Variants in SPIRE1 observed in about 807,000 individuals in gnomAD.
SPIRE1 encodes spire type actin nucleation factor 1.
In SPIRE1, 40 loss-of-function variants were observed where a neutral mutation model predicts 94.1. The ratio of observed to expected loss-of-function variants is 0.43; its 90% CI spans 0.33 to 0.55. The LOEUF (loss-of-function observed/expected upper bound fraction) is 0.55, where lower values mean the gene tolerates loss of function less well. SPIRE1 is among the 20% of genes least tolerant of loss of function. The pLI is 0.06. For missense variants in SPIRE1, 838 were observed against 975.2 expected, an observed-to-expected ratio of 0.86 and a Z score of 1.87; for synonymous variants, 376 against 371.7, an observed-to-expected ratio of 1.01 and a Z score of -0.13.
chr18:12,463,951 T>C (rs893563013), intron 11 of SPIRE1, among the ~76,000 whole-genome samples: 1 of 152,182 alleles, frequency 6.6e-6, no homozygotes, highest in Non-Finnish European at 1.5e-5. Context: ...TAAGACTGTT[T>C]AAAAGGAGAC....
At chr18:12,658,591 G>T (rs959891447), upstream of SPIRE1, 25 of 470,854 alleles carry the variant, frequency 5.3e-5, no homozygotes, top group African/African-American at 4.6e-4. Context: ...ATCGCCGAAG[G>T]TCTGGTTGAA....
rs778669585 is a variant in SPIRE1 at position 12,588,620 on chromosome 18, A to C, written c.373-41716T>G. On this transcript the variant is annotated intron_variant, in intron 2 of 16. Coordinates refer to ENST00000409402, the MANE Select transcript of SPIRE1 (RefSeq NM_001128626.2). The stretch of plus-strand genomic sequence containing the variant: ...TGTCTCACTTTAAAAAAAAAAAAAA[A>C]AAAAACCTCCGTGGACTTGCTCCAG... Among the ~76,000 whole-genome samples, 430 of 151,732 alleles carry C rather than the reference A, an allele frequency of 2.8e-3. 1 individual carries two copies. The highest frequency in any genetic ancestry group is 3.9e-3 in the Non-Finnish European group (267 of 67,878).
At chr18:12,501,961 C>T (rs2033680568) in intron 6 of SPIRE1, among the ~76,000 whole-genome samples, 1 of 152,154 alleles carries the variant, frequency 6.6e-6, no homozygotes, top group African/African-American at 2.4e-5. Flanking sequence ...GACCCTGTGT[C>T]AATCAATCAA....
At chr18:12,612,821 G>A (rs2037180452) in intron 2 of SPIRE1, among the ~76,000 whole-genome samples, 1 of 152,148 alleles carries the variant, frequency 6.6e-6, no homozygotes, top group Non-Finnish European at 1.5e-5. Flanking sequence ...TGTCTGAAAT[G>A]CTCTTCCCCC....
chr18:12,550,112 TGGA>T (rs1207762211), intron 2 of SPIRE1, among the ~76,000 whole-genome samples: 1 of 152,190 alleles, frequency 6.6e-6, no homozygotes, highest in Non-Finnish European at 1.5e-5. Flanking sequence ...CCTTTCACAG[TGGA>T]GGAGTAGGTC....
intron 8 of SPIRE1, among the ~76,000 whole-genome samples, chr18:12,487,397 T>A (rs556542508): frequency 2.2e-5 from 3 of 134,402 alleles, no homozygotes; most frequent in Non-Finnish European, 3.3e-5. Flanking sequence ...TCATTTATTT[T>A]CTTTCTTTTT....
intron 9 of SPIRE1, among the ~76,000 whole-genome samples, chr18:12,484,619 T>G (rs2143799523): frequency 6.6e-6 from 1 of 152,368 alleles, no homozygotes; most frequent in East Asian, 1.9e-4. Flanking sequence ...TTTGTTATCT[T>G]AAGAGGCATT....
At chr18:12,553,559 T>A (rs2144335170) in intron 2 of SPIRE1, among the ~76,000 whole-genome samples, 1 of 152,042 alleles carries the variant, frequency 6.6e-6, no homozygotes, top group Middle Eastern at 3.4e-3. Context: ...TCAACCACAG[T>A]AGAACAGAAT....
Position 12,448,651 on chromosome 18 carries a change from A to T in SPIRE1, c.*987T>A, listed in dbSNP as rs2031064065. The T allele has an allele frequency of 6.6e-6, 1 of 152,222 alleles. No individual in the cohort carries two copies. 9.4% of individuals were successfully genotyped at this position (152,222 alleles called of 1,614,324 possible). A position where few individuals can be genotyped will look rare whatever the true frequency, so the allele number is the denominator to read the frequency against. On this transcript the variant is annotated 3_prime_UTR_variant, in exon 17 of 17. Coordinates refer to ENST00000409402, the MANE Select transcript of SPIRE1 (RefSeq NM_001128626.2). This position sits in a 1 kb window ranked among gnomAD's most constrained non-coding sequence, Gnocchi z 4.4. ...TCTTTTAAAATTCATTTATAAAAAT[A>T]AATTTTAGTTTGAGACCCTAGGTAC...
intron 4 of SPIRE1, chr18:12,516,314 G>A (rs2034194375): frequency 6.6e-6 from 1 of 152,226 alleles, no homozygotes; most frequent in South Asian, 2.1e-4. Flanking sequence ...CCTGGCCACT[G>A]TGACTGGTTA....
chr18:12,563,773 A>G lies in SPIRE1; in HGVS notation c.373-16869T>C, dbSNP rs1406988497. Among the ~76,000 whole-genome samples, 4 of 152,182 alleles carry G rather than the reference A, an allele frequency of 2.6e-5. 1 individual carries two copies. The highest frequency in any genetic ancestry group is 6.5e-5 in the Admixed American group (1 of 15,268). ...ACAAGATACCGAAAAAGAAAAATTA[A>G]AGGAATATAAAATTATTTAAAAACT... On this transcript the variant is annotated intron_variant, in intron 2 of 16. Transcript: ENST00000409402.
intron 2 of SPIRE1, among the ~76,000 whole-genome samples, chr18:12,580,946 G>GA (rs148184579): frequency 0.02 from 3,075 of 152,118 alleles, 116 homozygotes; most frequent in African/African-American, 0.07. Context: ...TTTTCTGAGG[G>GA]AAAAAAACTT....
chr18:12,587,685 T>G (rs2036424835), intron 2 of SPIRE1, among the ~76,000 whole-genome samples: 2 of 152,104 alleles, frequency 1.3e-5, no homozygotes, highest in African/African-American at 4.8e-5. Flanking sequence ...GAACTACTGG[T>G]CTAACAACTA....
In SPIRE1 at chr18:12,541,158, C is replaced by G. The variant is rs1182617349; in HGVS notation, c.603+5516G>C. Among the ~76,000 whole-genome samples the G allele has an allele frequency of 3.3e-5, 5 of 152,172 alleles. No individual in the cohort carries two copies. The South Asian group carries it at 1.0e-3, about 32-fold the overall frequency. ...CAAGTATATGTGGAAATAATAAAAT[C>G]TTTTTGTTATTCATATCTGGCTTAA... is the stretch of plus-strand genomic sequence containing the variant. On this transcript the variant is annotated intron_variant, in intron 3 of 16. Coordinates refer to ENST00000409402, the MANE Select transcript of SPIRE1 (RefSeq NM_001128626.2).
At chr18:12,637,114 C>T (rs2037951331) in intron 1 of SPIRE1, among the ~76,000 whole-genome samples, 1 of 152,172 alleles carries the variant, frequency 6.6e-6, no homozygotes, top group African/African-American at 2.4e-5. Flanking sequence ...AATCCCAGCA[C>T]TTTGGGAGAC....
chr18:12,610,897 C>G (rs534661844), intron 2 of SPIRE1, among the ~76,000 whole-genome samples: 1 of 152,118 alleles, frequency 6.6e-6, no homozygotes, highest in Non-Finnish European at 1.5e-5. Context: ...CTCAGCACCT[C>G]GTAGCATCTT....
chr18:12,548,680 C>T (rs1364270123), intron 2 of SPIRE1, among the ~76,000 whole-genome samples: 1 of 150,932 alleles, frequency 6.6e-6, no homozygotes, highest in East Asian at 2.0e-4. Context: ...GGTACAATTA[C>T]GGCTCACTGC....
At chr18:12,508,289 T>C (rs757057161) in intron 5 of SPIRE1, among the ~76,000 whole-genome samples, 76 of 152,310 alleles carry the variant, frequency 5.0e-4, no homozygotes, top group African/African-American at 1.7e-3. Context: ...TAACGATTCA[T>C]AATTTTAAAA....
At chr18:12,575,840 C>T (rs924182646) in intron 2 of SPIRE1, among the ~76,000 whole-genome samples, 3 of 152,220 alleles carry the variant, frequency 2.0e-5, no homozygotes, top group African/African-American at 7.2e-5. Context: ...TCTTTCCAAA[C>T]TGATTTAAAG....
Sources: allele counts gnomAD v4.1 joint callset (sites outside exome capture counted in the v4.1 genomes callset), GRCh38; gene constraint gnomAD v4.1.1; non-coding constraint Gnocchi (gnomAD v3.1); transcripts MANE v1.5; gene names NCBI Gene and HGNC (gene_info 2026-07-23, HGNC 2026-07-21).